ABCC2: variants seen among roughly 807,000 people sequenced by gnomAD.
ABCC2 encodes the protein ATP binding cassette subfamily C member 2.
In ABCC2, 157 loss-of-function variants were observed where a neutral mutation model predicts 173.4. The ratio of observed to expected loss-of-function variants is 0.91; its 90% confidence interval spans 0.80 to 1.03. The LOEUF is 1.03. Among genes scored for constraint, ABCC2 ranks in the 50% least tolerant of loss-of-function variants. ABCC2 has a pLI of 0.00. For synonymous variants in ABCC2, 657 were observed against 693.5 expected (o/e 0.95, Z 0.83); for missense variants, 1,822 against 1,852.3 (o/e 0.98, Z 0.30).
rs898206793 is a variant in ABCC2, at chr10:99,819,282, G to A, written c.2620+13G>A. The A allele has an allele frequency of 6.2e-7, 1 of 1,611,870 alleles. No individual in the cohort carries two copies. The highest frequency in any genetic ancestry group is 8.5e-7 in the Non-Finnish European group (1 of 1,179,368). On this transcript the variant is annotated intron_variant, in intron 19 of 31. Transcript: ENST00000647814. The stretch of plus-strand genomic sequence containing the variant: ...GAGGAAGCCACAGGTATGTAAGAAG[G>A]ATTGGGACAAGATAGAACTTGGGCC...
rs1365048579 is a variant in ABCC2, at chr10:99,831,833, A to G, written c.3103+3A>G. 1.9e-6 allele frequency: 3 copies of G among 1,613,866 alleles called. No individual in the cohort carries two copies. The highest frequency in any genetic ancestry group is 2.5e-6 in the Non-Finnish European group (3 of 1,179,860). On this transcript the variant is annotated splice_donor_region_variant and intron_variant, in intron 22 of 31. Transcript: ENST00000647814. ...CGGAGCTCTGGGATTAGCCCAAGGT[A>G]TGTCTGATGGCTATGACATCTTACA... is the stretch of plus-strand genomic sequence containing the variant.
intron 6 of ABCC2, among the ~76,000 whole-genome samples, chr10:99,796,031 A>G (rs2037905993): frequency 6.6e-6 from 1 of 152,126 alleles, no homozygotes; most frequent in Non-Finnish European, 1.5e-5. Flanking sequence ...TTTTCCATCC[A>G]TATTCTCAAA....
intron 16 of ABCC2, among the ~76,000 whole-genome samples, chr10:99,813,922 G>C (rs1023984452): frequency 6.6e-6 from 1 of 151,982 alleles, no homozygotes. Flanking sequence ...ACAGTAGATT[G>C]TACAATCATC....
At chr10:99,790,714 G>A (rs921527559) in intron 2 of ABCC2, among the ~76,000 whole-genome samples, 2 of 152,056 alleles carry the variant, frequency 1.3e-5, no homozygotes, top group Admixed American at 1.3e-4. Flanking sequence ...ACACCCTATA[G>A]TGTATTATAT....
Position 99,852,186 on chromosome 10 carries a change from A to T in ABCC2, c.*555A>T, listed in dbSNP as rs1436954554. 6.4e-6 allele frequency: 1 copy of T among 155,308 alleles called. No homozygotes were observed. The highest frequency in any genetic ancestry group is 1.4e-5 in the Non-Finnish European group (1 of 70,196). The allele number at this position is 155,308 out of a possible 1,614,324, so 9.6% of individuals were successfully genotyped here. On this transcript the variant is annotated 3_prime_UTR_variant, in exon 32 of 32. Coordinates refer to ENST00000647814, the MANE Select transcript of ABCC2 (RefSeq NM_000392.5). ...GTTTTTAAAAATTATAAGCAGTACT[A>T]CTATGGACATTCTGGTCTACATCTC...
chr10:99,805,925 C>G (rs562252495), intron 11 of ABCC2, among the ~76,000 whole-genome samples: 34 of 152,172 alleles, frequency 2.2e-4, no homozygotes, highest in Admixed American at 4.6e-4. Context: ...AAAAAATTAA[C>G]ATTCTTTGAT....
In ABCC2 at chr10:99,845,631, T is replaced by C. The variant is rs1158002593; in HGVS notation, c.3995T>C (p.Val1332Ala). ...CDIGSMEKIG[V>A]VGRTGAGKSS... ...AGGGAACTATATTCGCAGATTGGTGTGGTGGGCAGGACAGGAGCTGGAAAG... is the reference window on the plus strand; with the variant it reads ...AGGGAACTATATTCGCAGATTGGTGCGGTGGGCAGGACAGGAGCTGGAAAG... Residue 1332 changes from valine to alanine, a missense_variant, in exon 29 of 32, where the codon GTG (valine) becomes GCG (alanine). By Grantham distance (64) the Val-to-Ala change is moderately conservative. Transcript: ENST00000647814. The C allele has an allele frequency of 6.2e-7, 1 of 1,613,838 alleles. No homozygotes were observed. The highest frequency in any genetic ancestry group is 8.5e-7 in the Non-Finnish European group (1 of 1,179,958).
At chr10:99,843,957 G>A (rs890569623) in intron 27 of ABCC2, 57 bp downstream of exon 27, 33 of 1,350,348 alleles carry the variant, frequency 2.4e-5, no homozygotes, top group South Asian at 1.6e-4. Flanking sequence ...CAACTCCTTC[G>A]AGAGTGCATC....
At chr10:99,821,213 C>T (rs1013250620) in intron 19 of ABCC2, among the ~76,000 whole-genome samples, 44 of 152,370 alleles carry the variant, frequency 2.9e-4, no homozygotes, top group African/African-American at 8.4e-4. Flanking sequence ...GCTTGTCCCA[C>T]CTCCAGCCCT....
intron 25 of ABCC2, among the ~76,000 whole-genome samples, chr10:99,838,192 G>C (rs2038859795): frequency 1.8e-5 from 1 of 56,338 alleles, no homozygotes; most frequent in African/African-American, 6.8e-5. Context: ...GCGGCTGGCC[G>C]GGCGGGGGGC....
At chr10:99,803,806 A>G (rs1039374609) in intron 9 of ABCC2, among the ~76,000 whole-genome samples, 1 of 152,198 alleles carries the variant, frequency 6.6e-6, no homozygotes, top group Non-Finnish European at 1.5e-5. Context: ...GGATGGGTAG[A>G]GTTGGAGGAA....
chr10:99,802,948 C>T (rs539489910), intron 9 of ABCC2, among the ~76,000 whole-genome samples: 1 of 152,278 alleles, frequency 6.6e-6, no homozygotes, highest in East Asian at 1.9e-4. Flanking sequence ...AAAATCCTGA[C>T]ACGAAAGTCT....
chr10:99,844,010 C>G, intron 27 of ABCC2, 110 bp downstream of exon 27: 1 of 975,766 alleles, frequency 1.0e-6, no homozygotes. Context: ...TAATGGGTCC[C>G]TAAAGTTTCC....
intron 19 of ABCC2, among the ~76,000 whole-genome samples, chr10:99,823,573 G>A (rs71488031): frequency 0.62 from 81,653 of 132,294 alleles, 25,114 homozygotes; most frequent in East Asian, 0.75. Flanking sequence ...TCTGCTCTTT[G>A]AGCCGATTGA....
intron 19 of ABCC2, among the ~76,000 whole-genome samples, chr10:99,824,770 C>T (rs372866486): frequency 6.6e-6 from 1 of 152,272 alleles, no homozygotes; most frequent in African/African-American, 2.4e-5. Context: ...GGTTGAATTA[C>T]GGCGTTTACG....
rs762910416 is a variant in ABCC2, at chr10:99,804,057, C to T, written c.1248C>T (p.Thr416=). ...CCAACTTGGCCAGGAAGGAGTACACCGTTGGAGAAACAGTGAACCTGATGT... is the reference window on the plus strand; with the variant it reads ...CCAACTTGGCCAGGAAGGAGTACACTGTTGGAGAAACAGTGAACCTGATGT... ...TLSNLARKEY[T]VGETVNLMSV... is the part of the protein sequence containing the mutation. The change falls in exon 10 of 32, where the codon ACC becomes ACT. Residue 416 remains threonine (T), a synonymous_variant. Coordinates refer to ENST00000647814, the MANE Select transcript of ABCC2 (RefSeq NM_000392.5). The T allele has an allele frequency of 1.4e-5, 23 of 1,613,944 alleles. No individual in the cohort carries two copies. Among genetic ancestry groups the T allele is most frequent in the African/African-American group, 2.7e-5 (2 of 74,898 alleles).
chr10:99,839,323 G>A (rs1461774238), intron 25 of ABCC2, among the ~76,000 whole-genome samples: 9 of 91,120 alleles, frequency 9.9e-5, no homozygotes, highest in East Asian at 3.6e-4. Flanking sequence ...GGGCAGAGGC[G>A]CCCCTCACCT....
At chr10:99,833,481 TG>T (rs778401559) in intron 23 of ABCC2, among the ~76,000 whole-genome samples, 1 of 152,156 alleles carries the variant, frequency 6.6e-6, no homozygotes, top group Non-Finnish European at 1.5e-5. Flanking sequence ...AAGGGGAGTT[TG>T]ATCAAGGGGC....
chr10:99,795,704 AAG>A (rs367702762), intron 6 of ABCC2, among the ~76,000 whole-genome samples: 15 of 149,288 alleles, frequency 1.0e-4, no homozygotes, highest in Middle Eastern at 3.4e-3. Context: ...CATCAAAAGA[AAG>A]AGAGAGAGAG....
Sources: gnomAD v4.1 joint callset for allele counts (sites outside exome capture counted in the v4.1 genomes callset) on GRCh38, gnomAD v4.1.1 for gene constraint, MANE v1.5 for transcripts, NCBI Gene and HGNC (gene_info 2026-07-23, HGNC 2026-07-21) for gene names.